Variants in MAP3K7CL observed in about 807,000 individuals in gnomAD.
MAP3K7CL encodes MAP3K7 C-terminal like, also known as MAP3K7 C-terminal-like protein.
A neutral mutation model predicts 18.6 loss-of-function variants in MAP3K7CL; 16 were observed. The observed-to-expected ratio is 0.86, with a 90% CI of 0.58 to 1.31. The LOEUF (loss-of-function observed/expected upper bound fraction) is 1.31, where lower values mean the gene tolerates loss of function less well. Among genes scored for constraint, MAP3K7CL ranks in the 50% most tolerant of loss-of-function variants. The pLI is 0.00. For missense variants in MAP3K7CL, 163 were observed against 174.4 expected (o/e 0.93, Z 0.37); for synonymous variants, 65 against 66.8 (o/e 0.97, Z 0.13).
intron 2 of MAP3K7CL, among the ~76,000 whole-genome samples, chr21:29,140,004 G>A (rs2086971607): frequency 1.3e-5 from 2 of 150,160 alleles, no homozygotes; most frequent in East Asian, 2.0e-4. Context: ...GGTATTTGCA[G>A]GAAACTGAGG....
chr21:29,171,673 C>G (rs111560770), intron 4 of MAP3K7CL, among the ~76,000 whole-genome samples: 2 of 151,730 alleles, frequency 1.3e-5, no homozygotes, highest in South Asian at 2.1e-4. Context: ...CCAAGTGTGG[C>G]GCACACACCT....
At chr21:29,169,664 G>C (rs2087775640) in intron 4 of MAP3K7CL, among the ~76,000 whole-genome samples, 1 of 152,150 alleles carries the variant, frequency 6.6e-6, no homozygotes, top group Non-Finnish European at 1.5e-5. Context: ...ATCCCTTGTA[G>C]TGGTCTCCTC....
intron 1 of MAP3K7CL, among the ~76,000 whole-genome samples, chr21:29,078,950 C>T (rs2085793576): frequency 6.6e-6 from 1 of 152,220 alleles, no homozygotes; most frequent in South Asian, 2.1e-4. Context: ...TTATTCATTA[C>T]ATAGATGACA....
intron 4 of MAP3K7CL, among the ~76,000 whole-genome samples, chr21:29,099,261 A>AT (rs968362985): frequency 0.045 from 3,775 of 83,126 alleles, 199 homozygotes; most frequent in Middle Eastern, 0.086. Flanking sequence ...CAGCTAATTG[A>AT]TTTTTTTTTT....
chr21:29,090,622 G>A (rs944736592), intron 1 of MAP3K7CL, among the ~76,000 whole-genome samples: 4 of 152,132 alleles, frequency 2.6e-5, no homozygotes, highest in East Asian at 1.9e-4. Context: ...CTCGTGATCC[G>A]CCTGCCTTGG....
At chr21:29,097,540 T>C (rs1443371634) in intron 4 of MAP3K7CL, among the ~76,000 whole-genome samples, 2 of 152,170 alleles carry the variant, frequency 1.3e-5, no homozygotes, top group African/African-American at 4.8e-5. Context: ...GGTGTAATGA[T>C]TACTTCAGTT....
In MAP3K7CL at chr21:29,133,398, C is replaced by T. The variant is rs1427901095; in HGVS notation, c.54C>T (p.Ser18=). Residue 18 remains serine (S), a synonymous_variant, in exon 2 of 5, where the codon AGC becomes AGT. Coordinates refer to ENST00000399928, the MANE Select transcript of MAP3K7CL (RefSeq NM_001286620.2). ...PADKPVRIAF[S]LNDASDDTPP... ...ACAAGCCTGTACGCATCGCCTTTAG[C>T]CTCAATGACGCCTCAGGTATACTCT... The T allele has an allele frequency of 2.6e-6, 4 of 1,548,870 alleles. No individual in the cohort carries two copies. The South Asian group carries it at 3.6e-5, about 14-fold the overall frequency.
chr21:29,153,637 T>C (rs1183267149), intron 3 of MAP3K7CL, among the ~76,000 whole-genome samples: 1 of 152,054 alleles, frequency 6.6e-6, no homozygotes, highest in Non-Finnish European at 1.5e-5. Context: ...TTTGTAGAGA[T>C]GGGGTTTTGC....
chr21:29,091,251 T>C (rs1350871208), intron 1 of MAP3K7CL, among the ~76,000 whole-genome samples: 2 of 152,134 alleles, frequency 1.3e-5, no homozygotes, highest in African/African-American at 2.4e-5. Context: ...ACTCAGAAAA[T>C]CTTTATGACT....
At chr21:29,133,899 G>A (rs374045767) in intron 2 of MAP3K7CL, among the ~76,000 whole-genome samples, 11 of 152,298 alleles carry the variant, frequency 7.2e-5, no homozygotes, top group African/African-American at 2.2e-4. Context: ...ATGATAAATG[G>A]GACAGGTGAG....
intron 3 of MAP3K7CL, among the ~76,000 whole-genome samples, chr21:29,156,290 T>G (rs2146711149): frequency 6.6e-6 from 1 of 152,338 alleles, no homozygotes; most frequent in African/African-American, 2.4e-5. Flanking sequence ...ACTGAAATAG[T>G]GTTTCTTTTA....
chr21:29,089,087 T>A (rs554752982), intron 1 of MAP3K7CL, among the ~76,000 whole-genome samples: 2 of 144,444 alleles, frequency 1.4e-5, no homozygotes, highest in African/African-American at 5.1e-5. Context: ...GGAGAATCAC[T>A]TGTACCCAGG....
chr21:29,092,320 C>G, intron 3 of MAP3K7CL: 1 of 1,251,002 alleles, frequency 8.0e-7, no homozygotes, highest in Non-Finnish European at 1.1e-6. Flanking sequence ...ACAACCCTCT[C>G]TAAAGAGGAG....
rs745958176 is a variant in MAP3K7CL, at chr21:29,174,713, A to G, written c.250A>G (p.Lys84Glu). The change falls in exon 5 of 5, where the codon AAG becomes GAG. Residue 84 changes from lysine to glutamate, a missense_variant and splice_region_variant. Physicochemically the swap from Lys to Glu is moderately conservative, Grantham distance 56 (BLOSUM62 1). Transcript: ENST00000399928. ...KEITLLEQRK[K>E]ELIAKLDQAE... ...CTGCCCTTTACCCCGAATCTTCAGG[A>G]AGGAGCTCATTGCCAAGTTAGATCA... 1.9e-6 allele frequency: 3 copies of G among 1,614,074 alleles called. No individual in the cohort carries two copies. Among genetic ancestry groups the G allele is most frequent in the Admixed American group, 3.3e-5 (2 of 60,016 alleles).
At chr21:29,087,729 G>A (rs915434946) in intron 1 of MAP3K7CL, among the ~76,000 whole-genome samples, 10 of 151,652 alleles carry the variant, frequency 6.6e-5, no homozygotes, top group African/African-American at 2.4e-4. Context: ...GAGTAGCTGG[G>A]ACCACAGGCT....
In MAP3K7CL at chr21:29,149,901, G is replaced by A. The variant is rs369697297; in HGVS notation, c.132+651G>A. ...TTCCAGGCAAAAATGGCTTTCAGAA[G>A]AGGTTCTGTCTAAAATACCAGGATA... is the stretch of plus-strand genomic sequence containing the variant. On this transcript the variant is annotated intron_variant, in intron 3 of 4. Coordinates refer to ENST00000399928, the MANE Select transcript of MAP3K7CL (RefSeq NM_001286620.2). Among the ~76,000 whole-genome samples, 230 of 152,300 alleles carry A rather than the reference G, an allele frequency of 1.5e-3. 1 individual carries two copies. The highest frequency in any genetic ancestry group is 5.3e-3 in the African/African-American group (219 of 41,568).
At chr21:29,102,813 G>A (rs2086256327) in intron 4 of MAP3K7CL, among the ~76,000 whole-genome samples, 1 of 152,122 alleles carries the variant, frequency 6.6e-6, no homozygotes, top group African/African-American at 2.4e-5. Context: ...ATGGACTCTG[G>A]GGGAAGCTGC....
chr21:29,110,017 G>A (rs965720697), intron 4 of MAP3K7CL, among the ~76,000 whole-genome samples: 1 of 152,168 alleles, frequency 6.6e-6, no homozygotes, highest in African/African-American at 2.4e-5. Flanking sequence ...AAAGTGATAT[G>A]ATACTGTGTA....
chr21:29,128,287 C>T (rs1224141716), upstream of MAP3K7CL: 1 of 151,438 alleles, frequency 6.6e-6, no homozygotes, highest in African/African-American at 2.4e-5. Flanking sequence ...CAGACTTATT[C>T]TAAAAAATTT....
Sources: gnomAD v4.1 joint callset for allele counts (sites outside exome capture counted in the v4.1 genomes callset) on GRCh38, gnomAD v4.1.1 for gene constraint, MANE v1.5 for transcripts, NCBI Gene and HGNC (gene_info 2026-07-23, HGNC 2026-07-21) for gene names.